ANK1: variants seen among roughly 807,000 people sequenced by gnomAD.
ANK1 encodes the protein ankyrin-1.
In ANK1, 51 loss-of-function variants were observed where a neutral mutation model predicts 210.4. The ratio of observed to expected loss-of-function variants is 0.24; its 90% confidence interval spans 0.19 to 0.31. ANK1 has a LOEUF of 0.31. Ranked by LOEUF, ANK1 falls within the 10% of genes least tolerant of loss-of-function variation. The pLI is 1.00. For missense variants in ANK1, 2,051 were observed against 2,504.4 expected, an observed-to-expected ratio of 0.82 and a Z score of 3.86; for synonymous variants, 967 against 1,025.9, an observed-to-expected ratio of 0.94 and a Z score of 1.10.
chr8:41,896,597 G>C (rs1001777515), exon 1 of ANK1: 2 of 1,313,720 alleles, frequency 1.5e-6, no homozygotes, highest in African/African-American at 3.1e-5. Flanking sequence ...GACAGCGTTC[G>C]TGGCGCCCCG....
At chr8:41,795,727 A>C (rs1284765083) in intron 1 of ANK1, among the ~76,000 whole-genome samples, 1 of 152,010 alleles carries the variant, frequency 6.6e-6, no homozygotes, top group Non-Finnish European at 1.5e-5. Flanking sequence ...TAGAGAATAG[A>C]ATAATAGATA....
At chr8:41,801,843 G>A (rs544514707), upstream of ANK1, among the ~76,000 whole-genome samples, 3 of 152,070 alleles carry the variant, frequency 2.0e-5, no homozygotes, top group South Asian at 2.1e-4. Context: ...ATCTTTTAAC[G>A]AACTAATATG....
At chr8:41,780,231 G>T (rs1338203250) in intron 1 of ANK1, among the ~76,000 whole-genome samples, 2 of 152,066 alleles carry the variant, frequency 1.3e-5, no homozygotes, top group East Asian at 3.9e-4. Context: ...TAGAGATGGG[G>T]TCTTGCTATG....
chr8:41,767,235 C>T (rs1001065203), intron 1 of ANK1, among the ~76,000 whole-genome samples: 2 of 152,066 alleles, frequency 1.3e-5, no homozygotes, highest in South Asian at 4.1e-4. Context: ...GGCAGCCGGG[C>T]GCGGAGCCAC....
chr8:41,766,956 C>A (rs568685774), intron 1 of ANK1, among the ~76,000 whole-genome samples: 3 of 152,090 alleles, frequency 2.0e-5, no homozygotes, highest in African/African-American at 7.2e-5. Context: ...TGAATCTACC[C>A]GGCCAGGCTG....
upstream of ANK1, among the ~76,000 whole-genome samples, chr8:41,800,638 C>T (rs1849717446): frequency 6.6e-6 from 1 of 152,208 alleles, no homozygotes; most frequent in South Asian, 2.1e-4. Context: ...CTGCTCCCCT[C>T]CCCAACAGAG....
At chr8:41,678,770 C>T (rs1815010601) in intron 37 of ANK1, among the ~76,000 whole-genome samples, 1 of 152,072 alleles carries the variant, frequency 6.6e-6, no homozygotes, top group African/African-American at 2.4e-5. Flanking sequence ...AGTATCTTTG[C>T]TAATTCTTTT....
At chr8:41,859,422 C>G (rs1377661623) in intron 1 of ANK1, among the ~76,000 whole-genome samples, 1 of 152,258 alleles carries the variant, frequency 6.6e-6, no homozygotes, top group East Asian at 1.9e-4. Flanking sequence ...TCTTGGCTCA[C>G]TGCAACCTCC....
chr8:41,703,422 G>GTGTGTATATATATA lies in ANK1; in HGVS notation c.2295+618_2295+619insTATATATATACACA, dbSNP rs1286560913. ...TATATGTGTGTGTGTGTGTGTGTGT[G>GTGTGTATATATATA]TATATATATATATATATATATATAT... On this transcript the variant is annotated intron_variant, in intron 20 of 42. Transcript: ENST00000289734. 3.6e-3 allele frequency among the ~76,000 whole-genome samples: 195 copies of GTGTGTATATATATA among 53,628 alleles called. 2 individuals carry two copies. Among genetic ancestry groups the GTGTGTATATATATA allele is most frequent in the Non-Finnish European group, 5.6e-3 (160 of 28,698 alleles). The allele number at this position is 53,628 out of a possible 152,430, so 35.2% of individuals were successfully genotyped here. A position where few individuals can be genotyped will look rare whatever the true frequency, so the allele number is the denominator to read the frequency against.
chr8:41,849,537 T>C (rs1278721157), intron 1 of ANK1, among the ~76,000 whole-genome samples: 1 of 148,582 alleles, frequency 6.7e-6, no homozygotes, highest in African/African-American at 2.5e-5. Context: ...AAAAAAAATG[T>C]AGTCATTTAT....
At chr8:41,690,671 G>C in intron 31 of ANK1, 72 bp from the exon 32 acceptor site, 1 of 1,569,664 alleles carries the variant, frequency 6.4e-7, no homozygotes. Flanking sequence ...TCCACCTTCG[G>C]TCCTTCCCTC....
intron 2 of ANK1, among the ~76,000 whole-genome samples, chr8:41,754,721 T>TC (rs896273781): frequency 1.3e-5 from 2 of 152,172 alleles, no homozygotes; most frequent in African/African-American, 4.8e-5. Flanking sequence ...TGCAGGATCG[T>TC]CCCGCTGGGT....
In ANK1 at chr8:41,727,270, T is replaced by C. The variant is rs1188118509; in HGVS notation, c.406A>G (p.Asn136Asp). 1 of 1,614,176 alleles carries C rather than the reference T, an allele frequency of 6.2e-7. No individual in the cohort carries two copies. Among genetic ancestry groups the C allele is most frequent in the Non-Finnish European group, 8.5e-7 (1 of 1,179,974 alleles). ...VVKFLLENGA[N>D]QNVATEDGFT... is the part of the protein sequence containing the mutation. ...CTTACTTCTGTGGCTACATTCTGGT[T>C]AGCTCCATTTTCCAGTAAAAACTTA... Residue 136 changes from asparagine to aspartate, a missense_variant, in exon 5 of 43, where the codon AAC becomes GAC. Physicochemically the swap from Asn to Asp is conservative, Grantham distance 23 (BLOSUM62 1). Around this residue, in one of 6 missense-constraint regions of ANK1, gnomAD observed 10 missense variants for 36.2 expected, o/e 0.28. Transcript: ENST00000289734.
At chr8:41,675,761 C>A (rs1414073951) in intron 37 of ANK1, among the ~76,000 whole-genome samples, 1 of 152,194 alleles carries the variant, frequency 6.6e-6, no homozygotes, top group Non-Finnish European at 1.5e-5. Flanking sequence ...GCCCTTTCCC[C>A]CTCTGCCAAC....
At chr8:41,661,357 A>T in intron 42 of ANK1, 73 bp downstream of exon 42, 1 of 1,586,146 alleles carries the variant, frequency 6.3e-7, no homozygotes, top group Non-Finnish European at 8.6e-7. Context: ...CTGGGAGGGG[A>T]TAGGGTGAGA....
At chr8:41,818,092 A>C (rs576382903) in intron 1 of ANK1, among the ~76,000 whole-genome samples, 11 of 152,370 alleles carry the variant, frequency 7.2e-5, no homozygotes, top group Admixed American at 3.9e-4. Flanking sequence ...TTCTTGGGGA[A>C]GAAAAAATAA....
At chr8:41,759,760 TCACACACATGCACA>T (rs1839999396) in intron 1 of ANK1, among the ~76,000 whole-genome samples, 1 of 152,166 alleles carries the variant, frequency 6.6e-6, no homozygotes, top group Non-Finnish European at 1.5e-5. Flanking sequence ...TAATATATAT[TCACACACATGCACA>T]CGCACAGATA....
At chr8:41,883,744 G>A (rs1029174864) in intron 1 of ANK1, among the ~76,000 whole-genome samples, 1 of 152,142 alleles carries the variant, frequency 6.6e-6, no homozygotes, top group African/African-American at 2.4e-5. Flanking sequence ...ACAGGCATGA[G>A]CTACAGCACC....
chr8:41,770,584 C>T (rs986867041), intron 1 of ANK1, among the ~76,000 whole-genome samples: 18 of 152,208 alleles, frequency 1.2e-4, no homozygotes, highest in African/African-American at 4.3e-4. Flanking sequence ...AAGCTGAATA[C>T]AACCCACAGC....
Sources: allele counts gnomAD v4.1 joint callset (sites outside exome capture counted in the v4.1 genomes callset), GRCh38; gene constraint gnomAD v4.1.1; regional missense constraint gnomAD v4.1.1; transcripts MANE v1.5; gene names NCBI Gene and HGNC (gene_info 2026-07-23, HGNC 2026-07-21).